The following GPC6 variants were observed in gnomAD, a reference collection of about 807,000 sequenced individuals.
The protein encoded by GPC6 is glypican-6.
A neutral mutation model predicts 55.2 loss-of-function variants in GPC6; 14 were observed. The ratio of observed to expected loss-of-function variants is 0.25; its 90% confidence interval spans 0.17 to 0.40. GPC6 has a LOEUF of 0.40. Among genes scored for constraint, GPC6 ranks in the 10% least tolerant of loss-of-function variants. The pLI is 1.00. For synonymous variants in GPC6, 278 were observed against 259.6 expected (o/e 1.07, Z -0.68); for missense variants, 641 against 708.5 (o/e 0.90, Z 1.08).
chr13:93,596,869 G>T (rs927778206), intron 2 of GPC6, among the ~76,000 whole-genome samples: 10 of 149,086 alleles, frequency 6.7e-5, no homozygotes, highest in South Asian at 6.3e-4. Context: ...GAATTGGCTC[G>T]TGTGATTATG....
At chr13:94,111,929 A>G (rs759098881) in intron 4 of GPC6, among the ~76,000 whole-genome samples, 9 of 152,090 alleles carry the variant, frequency 5.9e-5, no homozygotes, top group Admixed American at 1.3e-4. Flanking sequence ...CTCATATTCC[A>G]CTATGATGTC....
At chr13:94,104,203 G>T (rs1005916511) in intron 4 of GPC6, among the ~76,000 whole-genome samples, 4 of 152,194 alleles carry the variant, frequency 2.6e-5, no homozygotes, top group South Asian at 2.1e-4. Context: ...TAGATGTGTG[G>T]TATTATTTCT....
intron 1 of GPC6, among the ~76,000 whole-genome samples, chr13:93,354,411 C>T (rs575126399): frequency 1.5e-5 from 2 of 133,876 alleles, no homozygotes; most frequent in South Asian, 2.3e-4. Context: ...AGTGCAGTGG[C>T]GCGATCTCAG....
chr13:94,174,812 A>G (rs1301836689), intron 4 of GPC6, among the ~76,000 whole-genome samples: 3 of 152,146 alleles, frequency 2.0e-5, no homozygotes, highest in Non-Finnish European at 4.4e-5. Context: ...GTTTCAGCCA[A>G]TATGCCCATT....
At chr13:93,587,602 A>G (rs532593335) in intron 2 of GPC6, among the ~76,000 whole-genome samples, 1 of 152,236 alleles carries the variant, frequency 6.6e-6, no homozygotes, top group South Asian at 2.1e-4. Context: ...CTCTCTGACC[A>G]CAAAATGCTC....
At chr13:93,391,092 T>C (rs776524583) in intron 1 of GPC6, among the ~76,000 whole-genome samples, 4 of 152,080 alleles carry the variant, frequency 2.6e-5, no homozygotes, top group Non-Finnish European at 5.9e-5. Context: ...AAGTTTGTTA[T>C]AATGATATAG....
At chr13:93,711,585 AT>A (rs5805819) in intron 2 of GPC6, among the ~76,000 whole-genome samples, 9 of 149,506 alleles carry the variant, frequency 6.0e-5, no homozygotes, top group African/African-American at 7.4e-5. Flanking sequence ...TCTTTTTTAA[AT>A]TTTTTTTTTT....
chr13:93,418,265 A>G (rs116196865), intron 1 of GPC6, among the ~76,000 whole-genome samples: 3,041 of 151,854 alleles, frequency 0.02, 114 homozygotes, highest in African/African-American at 0.069. Flanking sequence ...TCAAGCATTT[A>G]TCCTTTGTGT....
At chr13:93,584,519 G>A (rs1040542510) in intron 2 of GPC6, among the ~76,000 whole-genome samples, 2 of 152,066 alleles carry the variant, frequency 1.3e-5, no homozygotes, top group Admixed American at 6.6e-5. Flanking sequence ...ACACTTCTCA[G>A]TGGTAATTTC....
rs1245775009 is a variant in GPC6, at chr13:94,404,242, G to C, written c.*1025G>C. On this transcript the variant is annotated 3_prime_UTR_variant, in exon 9 of 9. Coordinates refer to ENST00000377047, the MANE Select transcript of GPC6 (RefSeq NM_005708.5). ...TTAACTATTTACTTTGTGTCAGTTG[G>C]TTTCTGCATCACAAGGGCATTCTCT... is the stretch of plus-strand genomic sequence containing the variant. 2 of 151,152 alleles carry C rather than the reference G, an allele frequency of 1.3e-5. No individual in the cohort carries two copies. Among genetic ancestry groups the C allele is most frequent in the Non-Finnish European group, 2.9e-5 (2 of 67,884 alleles). 9.4% of individuals were successfully genotyped at this position (151,152 alleles called of 1,614,324 possible). A position where few individuals can be genotyped will look rare whatever the true frequency, so the allele number is the denominator to read the frequency against.
intron 4 of GPC6, among the ~76,000 whole-genome samples, chr13:94,216,237 C>T (rs887008649): frequency 5.3e-5 from 8 of 152,132 alleles, no homozygotes; most frequent in African/African-American, 1.2e-4. Flanking sequence ...GTAAGAATAA[C>T]GCATAATTAC....
chr13:93,587,691 A>G (rs73541574), intron 2 of GPC6, among the ~76,000 whole-genome samples: 9,577 of 152,098 alleles, frequency 0.063, 963 homozygotes, highest in African/African-American at 0.21. Context: ...TGACTGTCTT[A>G]CAAGCCTCTT....
chr13:93,537,455 A>G (rs1178026741), intron 1 of GPC6, among the ~76,000 whole-genome samples: 2 of 152,328 alleles, frequency 1.3e-5, no homozygotes, highest in African/African-American at 4.8e-5. Context: ...GTGGACATCA[A>G]TCAGTTATCA....
At chr13:93,966,853 C>G (rs1880069715) in intron 3 of GPC6, among the ~76,000 whole-genome samples, 1 of 151,964 alleles carries the variant, frequency 6.6e-6, no homozygotes, top group Non-Finnish European at 1.5e-5. Flanking sequence ...TGGGGTCTTG[C>G]TATGTTGCCC....
At chr13:93,605,834 C>T (rs1297210873) in intron 2 of GPC6, among the ~76,000 whole-genome samples, 2 of 136,838 alleles carry the variant, frequency 1.5e-5, no homozygotes, top group Non-Finnish European at 3.1e-5. Flanking sequence ...AGAGCGAGAC[C>T]GTCTCAATAA....
chr13:94,178,243 C>T (rs903817015), intron 4 of GPC6, among the ~76,000 whole-genome samples: 1 of 152,014 alleles, frequency 6.6e-6, no homozygotes, highest in Non-Finnish European at 1.5e-5. Context: ...GTGATCTGCC[C>T]ACCTTGGCCT....
At chr13:93,418,673 A>C (rs1876801074) in intron 1 of GPC6, among the ~76,000 whole-genome samples, 1 of 151,332 alleles carries the variant, frequency 6.6e-6, no homozygotes, top group African/African-American at 2.4e-5. Flanking sequence ...ATACCGTAGT[A>C]TTTTATTAAT....
chr13:94,018,205 A>G (rs1265373311), intron 3 of GPC6, among the ~76,000 whole-genome samples: 1 of 151,922 alleles, frequency 6.6e-6, no homozygotes, highest in Non-Finnish European at 1.5e-5. Context: ...TTCTCTTACT[A>G]GACACGTATT....
rs116867360 is a variant in GPC6 at position 94,275,312 on chromosome 13, G to A, written c.878-11037G>A. ...CAAGCAATGGGAAGAGTGACTAGGA[G>A]TTGTAGGGTTGTTAGAGAAAGCTTT... On this transcript the variant is annotated intron_variant, in intron 4 of 8. Transcript: ENST00000377047. Among the ~76,000 whole-genome samples, 390 of 152,278 alleles carry A rather than the reference G, an allele frequency of 2.6e-3. 5 individuals are homozygous for A. The East Asian group carries it at 0.038, about 15-fold the overall frequency.
Sources: gnomAD v4.1 joint callset for allele counts (sites outside exome capture counted in the v4.1 genomes callset) on GRCh38, gnomAD v4.1.1 for gene constraint, MANE v1.5 for transcripts, NCBI Gene and HGNC (gene_info 2026-07-23, HGNC 2026-07-21) for gene names.